PRR16: variants seen among roughly 807,000 people sequenced by gnomAD.
The protein encoded by PRR16 is protein Largen.
In PRR16, 6 loss-of-function variants were observed where a neutral mutation model predicts 18.2. The observed-to-expected ratio is 0.33, with a 90% CI of 0.18 to 0.65. The LOEUF is 0.65. PRR16 is among the 30% of genes least tolerant of loss of function. The pLI is 0.74. For missense variants in PRR16, 412 were observed against 376.6 expected (o/e 1.09, Z -0.78); for synonymous variants, 151 against 147.8 (o/e 1.02, Z -0.16).
At chr5:120,655,239 T>A (rs961547847) in intron 1 of PRR16, among the ~76,000 whole-genome samples, 2 of 151,866 alleles carry the variant, frequency 1.3e-5, no homozygotes, top group Non-Finnish European at 2.9e-5. Context: ...GAATGCTTAT[T>A]TTCTCTTGGT....
chr5:120,774,317 A>G, the PRR16 span, among the ~76,000 whole-genome samples: 1 of 152,252 alleles, frequency 6.6e-6, no homozygotes, highest in South Asian at 2.1e-4. Flanking sequence ...GGAAAGCTCA[A>G]CTATGGCTTT....
chr5:120,491,679 G>A (rs1019443626), intron 1 of PRR16, among the ~76,000 whole-genome samples: 1 of 152,076 alleles, frequency 6.6e-6, no homozygotes, highest in East Asian at 1.9e-4. Context: ...GAGTAGCTGG[G>A]ATTACAGCCA....
At chr5:120,509,680 T>C (rs1750758198) in intron 1 of PRR16, among the ~76,000 whole-genome samples, 1 of 152,164 alleles carries the variant, frequency 6.6e-6, no homozygotes, top group Non-Finnish European at 1.5e-5. Context: ...TCTTTTGCTG[T>C]TATAGACATC....
chr5:120,723,789 G>T, the PRR16 span, among the ~76,000 whole-genome samples: 4 of 151,772 alleles, frequency 2.6e-5, no homozygotes, highest in African/African-American at 9.7e-5. Context: ...TATTTATTTA[G>T]TTAGGACTTT....
chr5:120,532,019 G>T (rs1338594025), intron 1 of PRR16, among the ~76,000 whole-genome samples: 3 of 151,996 alleles, frequency 2.0e-5, no homozygotes, highest in Admixed American at 6.6e-5. Context: ...GGTTATGTTT[G>T]GGCTCTCTTC....
chr5:120,665,730 C>T (rs1209469628), intron 1 of PRR16, among the ~76,000 whole-genome samples: 2 of 152,162 alleles, frequency 1.3e-5, no homozygotes, highest in Non-Finnish European at 2.9e-5. Context: ...TCCCCCATTT[C>T]CTGTTTTTGT....
At chr5:120,740,316 C>T in the PRR16 span, among the ~76,000 whole-genome samples, 1 of 152,114 alleles carries the variant, frequency 6.6e-6, no homozygotes, top group Non-Finnish European at 1.5e-5. Flanking sequence ...ATTCATAAAA[C>T]ATTTATATAG....
the PRR16 span, among the ~76,000 whole-genome samples, chr5:120,694,412 C>T: frequency 6.6e-6 from 1 of 152,190 alleles, no homozygotes; most frequent in South Asian, 2.1e-4. Flanking sequence ...TGGCCGGGCG[C>T]GGTGGCTCAC....
the PRR16 span, among the ~76,000 whole-genome samples, chr5:120,728,583 G>T: frequency 1.3e-5 from 2 of 152,116 alleles, no homozygotes; most frequent in Non-Finnish European, 2.9e-5. Context: ...AATCAAATAT[G>T]AACTTGAGCT....
chr5:120,773,155 C>G, the PRR16 span, among the ~76,000 whole-genome samples: 42 of 152,112 alleles, frequency 2.8e-4, no homozygotes, highest in Admixed American at 5.2e-4. Flanking sequence ...CGTTAAGACT[C>G]TTACCCAGTG....
At chr5:120,537,536 T>A (rs1751758874) in intron 1 of PRR16, among the ~76,000 whole-genome samples, 1 of 152,004 alleles carries the variant, frequency 6.6e-6, no homozygotes, top group Non-Finnish European at 1.5e-5. Context: ...TACTAGTGGT[T>A]ATTATTATAT....
At chr5:120,554,053 C>T (rs986822755) in intron 1 of PRR16, among the ~76,000 whole-genome samples, 39 of 151,964 alleles carry the variant, frequency 2.6e-4, no homozygotes, top group African/African-American at 9.2e-4. Context: ...AGATAATACA[C>T]AATCATGAAA....
At chr5:120,575,144 A>T (rs1396916577) in intron 1 of PRR16, among the ~76,000 whole-genome samples, 1 of 152,142 alleles carries the variant, frequency 6.6e-6, no homozygotes. Flanking sequence ...GCAAATATAG[A>T]GAATTTATGA....
chr5:120,677,905 CTT>C (rs386404833), intron 1 of PRR16, among the ~76,000 whole-genome samples: 16 of 93,218 alleles, frequency 1.7e-4, no homozygotes, highest in African/African-American at 3.1e-4. Context: ...CTTTTTCTTT[CTT>C]TTTTTTTTTT....
intron 1 of PRR16, among the ~76,000 whole-genome samples, chr5:120,498,948 G>T (rs946468405): frequency 1.3e-5 from 2 of 148,922 alleles, no homozygotes; most frequent in African/African-American, 5.0e-5. Context: ...CTACTTTAAA[G>T]ATTATTTCTC....
chr5:120,613,517 G>A (rs1270227951), intron 1 of PRR16, among the ~76,000 whole-genome samples: 1 of 151,790 alleles, frequency 6.6e-6, no homozygotes, highest in Non-Finnish European at 1.5e-5. Context: ...TTATATGTAG[G>A]CTTCCATTTG....
At chr5:120,754,440 AG>A in the PRR16 span, among the ~76,000 whole-genome samples, 3 of 100,352 alleles carry the variant, frequency 3.0e-5, no homozygotes, top group East Asian at 2.9e-4. Context: ...TATAGTATAT[AG>A]TATATATTAT....
chr5:120,759,125 C>A, the PRR16 span, among the ~76,000 whole-genome samples: 4 of 151,690 alleles, frequency 2.6e-5, no homozygotes, highest in African/African-American at 7.3e-5. Flanking sequence ...TACAGGCACC[C>A]GCCACCATGC....
At chr5:120,487,844 G>A (rs1483627695) in intron 1 of PRR16, among the ~76,000 whole-genome samples, 1 of 152,138 alleles carries the variant, frequency 6.6e-6, no homozygotes, top group Non-Finnish European at 1.5e-5. Context: ...TTTATTGAGA[G>A]TTGTTAGCAT....
Sources: gnomAD v4.1 joint callset for allele counts (sites outside exome capture counted in the v4.1 genomes callset) on GRCh38, gnomAD v4.1.1 for gene constraint, MANE v1.5 for transcripts, NCBI Gene and HGNC (gene_info 2026-07-23, HGNC 2026-07-21) for gene names.